PIP4P2: variants seen among roughly 807,000 people sequenced by gnomAD.
The protein encoded by PIP4P2 is phosphatidylinositol-4,5-bisphosphate 4-phosphatase 2, also known as type 2 phosphatidylinositol 4,5-bisphosphate 4-phosphatase.
A neutral mutation model predicts 33.3 loss-of-function variants in PIP4P2; 19 were observed. That is an observed-to-expected ratio of 0.57 (90% CI 0.40 to 0.84). The LOEUF (loss-of-function observed/expected upper bound fraction) is 0.84, where lower values mean the gene tolerates loss of function less well. PIP4P2 is among the 40% of genes least tolerant of loss of function. The pLI, the probability that PIP4P2 is intolerant of heterozygous loss-of-function variation, is 0.00. For missense variants in PIP4P2, 270 were observed against 324.7 expected (o/e 0.83, Z 1.29); for synonymous variants, 110 against 111.9 (o/e 0.98, Z 0.11).
chr8:91,008,638 T>C (rs1170850265), intron 5 of PIP4P2, 105 bp downstream of exon 5: 1 of 1,017,124 alleles, frequency 9.8e-7, no homozygotes, highest in African/African-American at 1.6e-5. Flanking sequence ...ATGGATTCAC[T>C]CCACAGCATG....
chr8:91,004,318 C>T (rs1811740478), intron 5 of PIP4P2, among the ~76,000 whole-genome samples: 1 of 147,306 alleles, frequency 6.8e-6, no homozygotes, highest in Non-Finnish European at 1.5e-5. Flanking sequence ...CTTTCCACTG[C>T]TTTTTTTTTT....
At chr8:90,999,665 A>G (rs1442533474) in intron 5 of PIP4P2, among the ~76,000 whole-genome samples, 1 of 152,108 alleles carries the variant, frequency 6.6e-6, no homozygotes. Context: ...AAAAGGAAGG[A>G]GAAAACAGCA....
intron 5 of PIP4P2, among the ~76,000 whole-genome samples, chr8:91,008,282 G>C (rs1225995206): frequency 1.3e-5 from 2 of 151,904 alleles, no homozygotes; most frequent in Non-Finnish European, 2.9e-5. Flanking sequence ...AGAGAAATAG[G>C]CTAAATAATT....
At chr8:91,026,835 C>T (rs372663169) in intron 1 of PIP4P2, among the ~76,000 whole-genome samples, 6 of 152,290 alleles carry the variant, frequency 3.9e-5, no homozygotes, top group African/African-American at 1.4e-4. Context: ...TAATCTGTGA[C>T]ACATGGTGCC....
intron 4 of PIP4P2, among the ~76,000 whole-genome samples, chr8:91,010,985 T>C (rs1326488693): frequency 6.6e-6 from 1 of 150,812 alleles, no homozygotes; most frequent in African/African-American, 2.4e-5. Flanking sequence ...CTATATTGCT[T>C]AAAACTAATA....
chr8:91,010,229 C>A (rs1421926353), intron 4 of PIP4P2, among the ~76,000 whole-genome samples: 1 of 151,832 alleles, frequency 6.6e-6, no homozygotes, highest in East Asian at 1.9e-4. Flanking sequence ...GTTTCTGTTA[C>A]AGGCTTAGGA....
chr8:91,021,466 T>C (rs1812008288), intron 1 of PIP4P2, 62 bp from the exon 2 acceptor site: 9 of 1,549,924 alleles, frequency 5.8e-6, no homozygotes, highest in South Asian at 3.5e-5. Context: ...GGTTTGAGTA[T>C]AGAGGCAATA....
chr8:91,008,820 T>A (rs780369265), intron 4 of PIP4P2, 25 bp from the exon 5 acceptor site: 3 of 1,576,534 alleles, frequency 1.9e-6, no homozygotes, highest in East Asian at 2.3e-5. Flanking sequence ...AAGAGAGGAA[T>A]TGAAAAGAAA....
chr8:91,020,251 G>T lies in PIP4P2; in HGVS notation c.268C>A (p.Pro90Thr). 10 of 1,613,626 alleles carry T rather than the reference G, an allele frequency of 6.2e-6. No homozygotes were observed. Among genetic ancestry groups the T allele is most frequent in the Non-Finnish European group, 8.5e-6 (10 of 1,179,734 alleles). The change falls in exon 3 of 7, where the codon CCC becomes ACC. Residue 90 changes from proline to threonine, a missense_variant. Physicochemically the swap from Pro to Thr is conservative, Grantham distance 38 (BLOSUM62 -1). Transcript: ENST00000285419. The stretch of plus-strand genomic sequence containing the variant: ...CTAACATATTTCTTGCCTGTTGGGG[G>T]GTTTTTGATTGGCTGGATAAGGGAA... ...VCNEATPIKN[P>T]PTGKKYVRCP...
chr8:91,040,428 C>T (rs1433562087), intron 1 of PIP4P2, among the ~76,000 whole-genome samples: 1 of 151,728 alleles, frequency 6.6e-6, no homozygotes, highest in East Asian at 1.9e-4. Context: ...TCACCACCAC[C>T]ACCACCACCA....
In PIP4P2 at chr8:90,995,954, T is replaced by C; in HGVS notation, c.631-134A>G. ...CGAATACACAAAGTCCTTATAAGAG[T>C]AGGTGTATCTGTTGACTGCAACTGA... On this transcript the variant is annotated intron_variant, in intron 6 of 6. Coordinates refer to ENST00000285419, the MANE Select transcript of PIP4P2 (RefSeq NM_018710.3). 4 of 969,992 alleles carry C rather than the reference T, an allele frequency of 4.1e-6. 1 individual carries two copies. Among genetic ancestry groups the C allele is most frequent in the Middle Eastern group, 6.1e-4 (2 of 3,290 alleles). 60.1% of individuals were successfully genotyped at this position (969,992 alleles called of 1,614,324 possible).
intron 6 of PIP4P2, among the ~76,000 whole-genome samples, chr8:90,996,262 T>C (rs1811627393): frequency 6.6e-6 from 1 of 152,118 alleles, no homozygotes; most frequent in Non-Finnish European, 1.5e-5. Flanking sequence ...GTAATAAATC[T>C]CTGCTTGATT....
At chr8:91,005,650 A>C (rs1024831242) in intron 5 of PIP4P2, among the ~76,000 whole-genome samples, 1 of 152,264 alleles carries the variant, frequency 6.6e-6, no homozygotes, top group African/African-American at 2.4e-5. Context: ...TAATTATAAA[A>C]TATAACACTA....
intron 5 of PIP4P2, among the ~76,000 whole-genome samples, chr8:90,997,881 C>T (rs992939457): frequency 1.4e-4 from 21 of 151,994 alleles, no homozygotes; most frequent in Non-Finnish European, 2.9e-4. Context: ...AAATTATTTC[C>T]TTTAATTTCC....
At chr8:91,024,390 T>C (rs747125593) in intron 1 of PIP4P2, 2 of 394,012 alleles carry the variant, frequency 5.1e-6, no homozygotes, top group South Asian at 4.0e-5. Flanking sequence ...AATAAGATTA[T>C]TAATTTAAAT....
intron 5 of PIP4P2, among the ~76,000 whole-genome samples, chr8:90,999,296 C>T (rs186360184): frequency 3.3e-5 from 5 of 152,024 alleles, no homozygotes; most frequent in South Asian, 2.1e-4. Flanking sequence ...GAGAAAGGAA[C>T]GTAACATTCA....
intron 1 of PIP4P2, among the ~76,000 whole-genome samples, chr8:91,031,448 G>A (rs529144298): frequency 1.1e-4 from 17 of 152,066 alleles, no homozygotes; most frequent in South Asian, 6.2e-4. Flanking sequence ...GTAACATGCC[G>A]TCTTCCAAAT....
Position 91,021,384 on chromosome 8 carries a change from T to C in PIP4P2, c.127A>G (p.Thr43Ala). 1.2e-6 allele frequency: 2 copies of C among 1,613,700 alleles called. No homozygotes were observed. The highest frequency in any genetic ancestry group is 8.5e-7 in the Non-Finnish European group (1 of 1,179,734). ...CTGGCGTCTGGACTGGCAATGGCTGTATATGGAGGTGGGAGCTCCGCTGAA... is the reference window on the plus strand; with the variant it reads ...CTGGCGTCTGGACTGGCAATGGCTGCATATGGAGGTGGGAGCTCCGCTGAA... ...SPRAELPPPY[T>A]AIASPDASGI... The change falls in exon 2 of 7, where the codon ACA (threonine) becomes GCA (alanine). Residue 43 changes from threonine to alanine, a missense_variant. Transcript: ENST00000285419.
chr8:91,017,791 A>C (rs1017049151), intron 4 of PIP4P2, among the ~76,000 whole-genome samples: 2 of 152,146 alleles, frequency 1.3e-5, no homozygotes, highest in African/African-American at 4.8e-5. Flanking sequence ...GGGTAAGTTA[A>C]TTATGAATTT....
Sources: allele counts gnomAD v4.1 joint callset (sites outside exome capture counted in the v4.1 genomes callset), GRCh38; gene constraint gnomAD v4.1.1; transcripts MANE v1.5; gene names NCBI Gene and HGNC (gene_info 2026-07-23, HGNC 2026-07-21).